The following SPON1 variants were observed in gnomAD, a reference collection of about 807,000 sequenced individuals.
The protein encoded by SPON1 is spondin 1, also known as spondin-1.
Under a neutral mutation model 111.7 loss-of-function variants are expected in SPON1, and 52 were observed. The observed-to-expected ratio is 0.47, with a 90% CI of 0.37 to 0.59. The LOEUF (loss-of-function observed/expected upper bound fraction) is 0.59. Ranked by LOEUF, SPON1 falls within the 20% of genes least tolerant of loss-of-function variation. The pLI is 0.00. For missense variants in SPON1, 957 were observed against 1,068.5 expected (o/e 0.90, Z 1.46); for synonymous variants, 410 against 395.8 (o/e 1.04, Z -0.43).
At chr11:14,256,566 C>T in intron 9 of SPON1, 51 bp from the exon 10 acceptor site, 2 of 1,303,358 alleles carry the variant, frequency 1.5e-6, no homozygotes, top group East Asian at 2.3e-5. Flanking sequence ...TCCCCCTACA[C>T]ATTCCCTTCT....
chr11:14,109,975 A>C (rs1849215360), intron 5 of SPON1, among the ~76,000 whole-genome samples: 2 of 152,240 alleles, frequency 1.3e-5, no homozygotes, highest in South Asian at 4.1e-4. Context: ...CCTAACTGGC[A>C]AAATTATTAA....
intron 7 of SPON1, among the ~76,000 whole-genome samples, chr11:14,250,880 T>A (rs782431001): frequency 6.6e-5 from 10 of 152,220 alleles, no homozygotes; most frequent in Non-Finnish European, 1.3e-4. Flanking sequence ...TCAAAGGAAA[T>A]ACAAGAGCTC....
intron 2 of SPON1, among the ~76,000 whole-genome samples, chr11:14,000,306 T>C (rs2133792230): frequency 6.6e-6 from 1 of 152,214 alleles, no homozygotes. Flanking sequence ...TTTATCAGAG[T>C]CCATTTCTGA....
intron 6 of SPON1, among the ~76,000 whole-genome samples, chr11:14,144,654 A>ATAATAATAG (rs1847697377): frequency 6.7e-6 from 1 of 148,726 alleles, no homozygotes; most frequent in African/African-American, 2.5e-5. Flanking sequence ...AATAATAATA[A>ATAATAATAG]TAATAATAAT....
At chr11:14,254,260 G>C (rs966440708) in intron 7 of SPON1, among the ~76,000 whole-genome samples, 3 of 152,226 alleles carry the variant, frequency 2.0e-5, no homozygotes, top group Non-Finnish European at 2.9e-5. Context: ...CAGCCTGGGT[G>C]ACAGAGCAAG....
chr11:14,246,142 T>G (rs1386345819), intron 7 of SPON1, among the ~76,000 whole-genome samples: 1 of 152,068 alleles, frequency 6.6e-6, no homozygotes, highest in Non-Finnish European at 1.5e-5. Flanking sequence ...TTTACACCAT[T>G]AAGGAGTCTT....
At chr11:14,105,224 T>C (rs897209086) in intron 5 of SPON1, among the ~76,000 whole-genome samples, 12 of 152,146 alleles carry the variant, frequency 7.9e-5, no homozygotes, top group African/African-American at 2.9e-4. Flanking sequence ...AAAGCATCTA[T>C]TTCATGCAAG....
At chr11:14,208,265 T>A (rs1227729173) in intron 6 of SPON1, among the ~76,000 whole-genome samples, 1 of 151,918 alleles carries the variant, frequency 6.6e-6, no homozygotes, top group Non-Finnish European at 1.5e-5. Flanking sequence ...CTGGGCTTAA[T>A]ACCTGGTTGA....
At chr11:14,209,917 C>T (rs1171239124) in intron 6 of SPON1, among the ~76,000 whole-genome samples, 1 of 152,318 alleles carries the variant, frequency 6.6e-6, no homozygotes, top group Admixed American at 6.5e-5. Flanking sequence ...TCCTCTCCAG[C>T]ATCTGTTGTT....
intron 5 of SPON1, among the ~76,000 whole-genome samples, chr11:14,125,724 G>C (rs1157842727): frequency 2.0e-5 from 3 of 152,232 alleles, no homozygotes; most frequent in African/African-American, 7.2e-5. Context: ...TGTTGTATTA[G>C]TCAGGGTTCT....
At chr11:14,043,634 G>C (rs1412579142) in intron 3 of SPON1, among the ~76,000 whole-genome samples, 2 of 152,184 alleles carry the variant, frequency 1.3e-5, no homozygotes, top group African/African-American at 4.8e-5. Context: ...CTCTAAAGAA[G>C]ATGGGCTGAA....
At position 14,158,717 on chromosome 11, in the gene SPON1, T is replaced by G. The variant is rs111973051; in HGVS notation, c.825+23149T>G. Among the ~76,000 whole-genome samples the G allele has an allele frequency of 3.4e-3, 515 of 152,208 alleles. 1 individual carries two copies. The highest frequency in any genetic ancestry group is 5.2e-3 in the Non-Finnish European group (356 of 68,022). On this transcript the variant is annotated intron_variant, in intron 6 of 15. Coordinates refer to ENST00000576479, the MANE Select transcript of SPON1 (RefSeq NM_006108.4). ...GACCTTTCCAATACTTTAAACCAAG[T>G]TACTTTGTTTTGTTTTATTCATTTT...
intron 2 of SPON1, among the ~76,000 whole-genome samples, chr11:14,024,961 C>T (rs1295560096): frequency 6.6e-6 from 1 of 152,162 alleles, no homozygotes; most frequent in Admixed American, 6.5e-5. Context: ...CATCTGAATT[C>T]CTCATTTTAG....
In SPON1 at chr11:14,113,568, ATTTTTTTTTTTTTTTTTTTTTTTTT is replaced by A. The variant is rs782780924; in HGVS notation, c.677-21824_677-21800del. On this transcript the variant is annotated intron_variant, in intron 5 of 15. Transcript: ENST00000576479. Reference sequence around the variant, plus strand: ...AAGTCACCTCCTATGTACTTTTTAAATTTTTTTTTTTTTTTTTTTTTTTTTTTTTTTTTTTTTTTTTTTTTTTTTT... The same window carrying A: ...AAGTCACCTCCTATGTACTTTTTAAATTTTTTTTTTTTTTTTTTTTTTTTT... Among the ~76,000 whole-genome samples, 39 of 74,754 alleles carry A rather than the reference ATTTTTTTTTTTTTTTTTTTTTTTTT, an allele frequency of 5.2e-4. 2 individuals are homozygous for A. Among genetic ancestry groups the A allele is most frequent in the Admixed American group, 7.8e-4 (5 of 6,410 alleles). 49.0% of individuals were successfully genotyped at this position (74,754 alleles called of 152,430 possible).
chr11:14,092,025 TC>T (rs1394813445), intron 5 of SPON1, among the ~76,000 whole-genome samples: 2 of 152,194 alleles, frequency 1.3e-5, no homozygotes, highest in Admixed American at 1.3e-4. Flanking sequence ...GCCTAACCAG[TC>T]CCAGTGAGAT....
intron 5 of SPON1, among the ~76,000 whole-genome samples, chr11:14,080,298 G>A (rs1207291924): frequency 6.6e-6 from 1 of 151,194 alleles, no homozygotes; most frequent in African/African-American, 2.4e-5. Flanking sequence ...GCACAATCTC[G>A]GCTCACTGCA....
chr11:13,993,723 T>C (rs1848249624), intron 2 of SPON1, among the ~76,000 whole-genome samples: 1 of 152,222 alleles, frequency 6.6e-6, no homozygotes, highest in African/African-American at 2.4e-5. Context: ...CTATAAGATC[T>C]ACAGGGCAGG....
chr11:14,146,086 A>G (rs987981985), intron 6 of SPON1, among the ~76,000 whole-genome samples: 5 of 152,066 alleles, frequency 3.3e-5, no homozygotes, highest in African/African-American at 1.2e-4. Flanking sequence ...TGAAAGGTTC[A>G]TTCACATTTT....
intron 6 of SPON1, among the ~76,000 whole-genome samples, chr11:14,205,406 T>C (rs1410532949): frequency 2.0e-5 from 3 of 152,184 alleles, no homozygotes; most frequent in African/African-American, 7.2e-5. Context: ...GCTTAGCTAT[T>C]TAATTCACCA....
Sources: gnomAD v4.1 joint callset for allele counts (sites outside exome capture counted in the v4.1 genomes callset) on GRCh38, gnomAD v4.1.1 for gene constraint, MANE v1.5 for transcripts, NCBI Gene and HGNC (gene_info 2026-07-23, HGNC 2026-07-21) for gene names.